The following PHF24 variants were observed in gnomAD, a reference collection of about 807,000 sequenced individuals.
PHF24 encodes Galpha inhibitory interacting protein.
A neutral mutation model predicts 42.6 loss-of-function variants in PHF24; 25 were observed. That is an observed-to-expected ratio of 0.59 (90% confidence interval 0.43 to 0.82). PHF24 has a LOEUF of 0.82. Among genes scored for constraint, PHF24 ranks in the 40% least tolerant of loss-of-function variants. The probability of loss-of-function intolerance (pLI) is 0.00; values close to 1 mark genes in which losing one functional copy is unlikely to be tolerated. For missense variants in PHF24, 470 were observed against 538.1 expected (o/e 0.87, Z 1.25); for synonymous variants, 185 against 204.8 (o/e 0.90, Z 0.83).
chr9:34,929,843 C>CT, the PHF24 span, among the ~76,000 whole-genome samples: 1 of 152,216 alleles, frequency 6.6e-6, no homozygotes, highest in Admixed American at 6.5e-5. Flanking sequence ...TCTTCATCCT[C>CT]TTTTTTCCCC....
the PHF24 span, among the ~76,000 whole-genome samples, chr9:34,812,681 G>C: frequency 0.29 from 44,514 of 152,100 alleles, 7,282 homozygotes; most frequent in East Asian, 0.56. Flanking sequence ...CCTCAGCCCT[G>C]TCTGGCCCAC....
the PHF24 span, among the ~76,000 whole-genome samples, chr9:34,781,550 G>T: frequency 6.6e-6 from 1 of 152,152 alleles, no homozygotes; most frequent in Non-Finnish European, 1.5e-5. Flanking sequence ...CATTGTGAAT[G>T]TAACTAACAT....
chr9:34,741,796 T>G, the PHF24 span, among the ~76,000 whole-genome samples: 1 of 152,120 alleles, frequency 6.6e-6, no homozygotes, highest in Non-Finnish European at 1.5e-5. Context: ...TGACTGTCCT[T>G]GTGAAGAATT....
chr9:34,702,140 A>G, the PHF24 span, among the ~76,000 whole-genome samples: 2 of 152,162 alleles, frequency 1.3e-5, no homozygotes, highest in African/African-American at 4.8e-5. Context: ...CCATAAGTGG[A>G]CACAGGGAAA....
chr9:34,749,768 C>T, the PHF24 span, among the ~76,000 whole-genome samples: 2 of 151,226 alleles, frequency 1.3e-5, no homozygotes, highest in Non-Finnish European at 2.9e-5. Context: ...TGCTCTCCCT[C>T]CCCTTGCCCC....
the PHF24 span, among the ~76,000 whole-genome samples, chr9:34,923,218 C>T: frequency 1.3e-5 from 2 of 152,256 alleles, no homozygotes; most frequent in Non-Finnish European, 2.9e-5. Flanking sequence ...ATGAATCCCA[C>T]TTGATCATGA....
the PHF24 span, among the ~76,000 whole-genome samples, chr9:34,858,977 A>G: frequency 6.6e-6 from 1 of 152,198 alleles, no homozygotes; most frequent in African/African-American, 2.4e-5. Context: ...TTAGGTAAGC[A>G]TGATCTACTT....
the PHF24 span, among the ~76,000 whole-genome samples, chr9:34,679,310 T>C: frequency 6.6e-6 from 1 of 152,256 alleles, no homozygotes; most frequent in Non-Finnish European, 1.5e-5. Flanking sequence ...TTCTGGGTCA[T>C]TGTCACCTTT....
At chr9:34,761,272 C>T in the PHF24 span, among the ~76,000 whole-genome samples, 3 of 151,732 alleles carry the variant, frequency 2.0e-5, no homozygotes, top group South Asian at 4.2e-4. Context: ...TTTAAATAAT[C>T]GGCATGAATT....
chr9:34,784,063 C>T, the PHF24 span, among the ~76,000 whole-genome samples: 4 of 152,162 alleles, frequency 2.6e-5, no homozygotes, highest in African/African-American at 7.2e-5. Context: ...CCTCTGTGCT[C>T]GAGTCAGTGC....
At chr9:34,920,431 G>T in the PHF24 span, among the ~76,000 whole-genome samples, 61 of 152,102 alleles carry the variant, frequency 4.0e-4, no homozygotes, top group Admixed American at 1.2e-3. Context: ...TTCCTGCAGT[G>T]TTGTGATTCC....
the PHF24 span, among the ~76,000 whole-genome samples, chr9:34,773,404 A>C: frequency 6.6e-6 from 1 of 152,270 alleles, no homozygotes; most frequent in Admixed American, 6.5e-5. Flanking sequence ...AGCATCTTCT[A>C]GTGCCAGAAA....
chr9:34,800,739 A>T, the PHF24 span, among the ~76,000 whole-genome samples: 7 of 152,228 alleles, frequency 4.6e-5, no homozygotes, highest in South Asian at 8.3e-4. Context: ...AGGCAATACC[A>T]TTCAGGACCT....
chr9:34,953,004 A>T (rs1277649015), upstream of PHF24, among the ~76,000 whole-genome samples: 3 of 152,234 alleles, frequency 2.0e-5, no homozygotes, highest in Non-Finnish European at 2.9e-5. This position sits in a 1 kb window ranked among gnomAD's most constrained non-coding sequence, Gnocchi z 4.1. Flanking sequence ...TGTAAATAAT[A>T]AAAGTATAAA....
the PHF24 span, among the ~76,000 whole-genome samples, chr9:34,769,632 T>G: frequency 1.3e-5 from 2 of 152,188 alleles, no homozygotes; most frequent in Non-Finnish European, 2.9e-5. Context: ...GAAAGAACTA[T>G]GATAGCACTG....
chr9:34,792,447 G>C, the PHF24 span, among the ~76,000 whole-genome samples: 1 of 152,208 alleles, frequency 6.6e-6, no homozygotes, highest in Non-Finnish European at 1.5e-5. Context: ...GAGGCGGGCA[G>C]ATCACCTGAG....
the PHF24 span, chr9:34,922,987 G>A: frequency 4.1e-6 from 4 of 967,156 alleles, no homozygotes; most frequent in Non-Finnish European, 5.9e-6. Flanking sequence ...TACCTGGGGG[G>A]TGCTGCTGGG....
the PHF24 span, chr9:34,690,124 T>A: frequency 1.3e-6 from 2 of 1,590,378 alleles, no homozygotes; most frequent in Admixed American, 1.7e-5. Context: ...GGGTTGGGCT[T>A]GGCATGGAGA....
chr9:34,897,767 A>G, the PHF24 span, among the ~76,000 whole-genome samples: 2 of 152,068 alleles, frequency 1.3e-5, no homozygotes, highest in Non-Finnish European at 2.9e-5. Context: ...GTTTTGGTGC[A>G]CCCATCACCC....
Sources: gnomAD v4.1 joint callset for allele counts (sites outside exome capture counted in the v4.1 genomes callset) on GRCh38, gnomAD v4.1.1 for gene constraint, Gnocchi (gnomAD v3.1) non-coding constraint, MANE v1.5 for transcripts, NCBI Gene and HGNC (gene_info 2026-07-23, HGNC 2026-07-21) for gene names.